Variants in SNX5 observed in about 807,000 individuals in gnomAD.
The protein encoded by SNX5 is sorting nexin 5.
SNX5 carries 31 observed loss-of-function variants against 53.9 expected under a neutral mutation model. The ratio of observed to expected loss-of-function variants is 0.58; its 90% confidence interval spans 0.43 to 0.78. SNX5 has a LOEUF of 0.78. SNX5 is among the 30% of genes least tolerant of loss of function. The probability of loss-of-function intolerance (pLI) is 0.00; values close to 1 mark genes in which losing one functional copy is unlikely to be tolerated. For synonymous variants in SNX5, 168 were observed against 171.1 expected, an observed-to-expected ratio of 0.98 and a Z score of 0.14; for missense variants, 471 against 478.8, an observed-to-expected ratio of 0.98 and a Z score of 0.15.
intron 11 of SNX5, chr20:17,943,456 G>A (rs921083136): frequency 2.4e-6 from 1 of 421,282 alleles, no homozygotes; most frequent in African/African-American, 2.0e-5. Context: ...TTATGACTTG[G>A]AGAACACGTT....
chr20:17,968,698 A>G lies in SNX5; in HGVS notation c.-273T>C. Reference sequence around the variant, plus strand: ...CGGGCAAAGACGCCACGTGGGGCCTACCCTTGCTCCGCTCCACGAGGAGGC... The same window carrying G: ...CGGGCAAAGACGCCACGTGGGGCCTGCCCTTGCTCCGCTCCACGAGGAGGC... On this transcript the variant is annotated 5_prime_UTR_variant, in exon 1 of 13. Transcript: ENST00000377759. 2.0e-6 allele frequency: 1 copy of G among 495,450 alleles called. No homozygotes were observed. Among genetic ancestry groups the G allele is most frequent in the Non-Finnish European group, 3.7e-6 (1 of 271,972 alleles). 30.7% of individuals were successfully genotyped at this position (495,450 alleles called of 1,614,324 possible). A position where few individuals can be genotyped will look rare whatever the true frequency, so the allele number is the denominator to read the frequency against.
intron 1 of SNX5, among the ~76,000 whole-genome samples, chr20:17,958,714 C>T (rs1210201654): frequency 6.6e-6 from 1 of 152,178 alleles, no homozygotes; most frequent in East Asian, 1.9e-4. Flanking sequence ...AAAGATAAAG[C>T]TTCAAGGTCT....
In SNX5 at chr20:17,952,699, G is replaced by A; in HGVS notation, c.401C>T (p.Ala134Val). The stretch of plus-strand genomic sequence containing the variant: ...GGAGGACACAGTCTTCTTAAACACA[G>A]CGAGATACTCACTGAAAAGAGATGT... ...MKQELEAEYLAVFKKTVSSHE... is the reference protein window; with the variant it reads ...MKQELEAEYLVVFKKTVSSHE... The change falls in exon 5 of 13, where the codon GCT (alanine) becomes GTT (valine). Residue 134 changes from alanine (A) to valine (V), a missense_variant. By Grantham distance (64) the Ala-to-Val change is moderately conservative (BLOSUM62 0). Coordinates refer to ENST00000377759, the MANE Select transcript of SNX5 (RefSeq NM_014426.4). The A allele has an allele frequency of 1.9e-6, 3 of 1,613,472 alleles. No individual in the cohort carries two copies. Among genetic ancestry groups the A allele is most frequent in the Non-Finnish European group, 1.7e-6 (2 of 1,179,776 alleles).
intron 1 of SNX5, chr20:17,967,854 A>C (rs2035578272): frequency 2.5e-6 from 1 of 393,342 alleles, no homozygotes; most frequent in Non-Finnish European, 4.5e-6. Flanking sequence ...CACAACTCCC[A>C]CAACAACGCA....
chr20:17,956,709 A>C (rs2035367236), intron 2 of SNX5, among the ~76,000 whole-genome samples: 1 of 143,832 alleles, frequency 7.0e-6, no homozygotes, highest in African/African-American at 2.5e-5. Context: ...AAAAAACAAA[A>C]AAACAATGCC....
At chr20:17,948,307 A>T (rs569560607) in intron 10 of SNX5, among the ~76,000 whole-genome samples, 3 of 152,258 alleles carry the variant, frequency 2.0e-5, no homozygotes, top group African/African-American at 4.8e-5. Flanking sequence ...GTATGTTTTT[A>T]AAAACTCCCA....
intron 1 of SNX5, among the ~76,000 whole-genome samples, chr20:17,965,382 C>T (rs1051618791): frequency 1.7e-4 from 26 of 152,166 alleles, no homozygotes; most frequent in African/African-American, 6.3e-4. Flanking sequence ...ACCACTAGGT[C>T]TCACCGAATG....
rs1384715660 is a variant in SNX5 at position 17,968,631 on chromosome 20, C to A, written c.-206G>T. On this transcript the variant is annotated 5_prime_UTR_variant, in exon 1 of 13. Coordinates refer to ENST00000377759, the MANE Select transcript of SNX5 (RefSeq NM_014426.4). The stretch of plus-strand genomic sequence containing the variant: ...GGCGAGCAGGGCGCCACGTGCTCCC[C>A]CAGAGCAGCCTCCCAGTCCCCGCTG... The A allele has an allele frequency of 3.2e-6, 2 of 620,210 alleles. No homozygotes were observed. The highest frequency in any genetic ancestry group is 2.4e-5 in the Admixed American group (1 of 41,794). The allele number at this position is 620,210 out of a possible 1,614,324, so 38.4% of individuals were successfully genotyped here.
chr20:17,968,077 A>G (rs2035587504), intron 1 of SNX5: 1 of 398,592 alleles, frequency 2.5e-6, no homozygotes, highest in Admixed American at 4.4e-5. Context: ...TTTAAAAAGA[A>G]CATTCCGGGG....
chr20:17,945,044 A>ACT (rs1415201469), intron 11 of SNX5: 2 of 152,112 alleles, frequency 1.3e-5, no homozygotes, highest in African/African-American at 4.8e-5. Context: ...TTCAGAGCAG[A>ACT]CTCACCCTCC....
intron 3 of SNX5, 143 bp from the exon 4 acceptor site, chr20:17,954,260 T>C (rs953509163): frequency 1.6e-5 from 21 of 1,284,754 alleles, no homozygotes; most frequent in Admixed American, 2.8e-5. Flanking sequence ...CTGTTTTTTC[T>C]TAACCTTCCT....
chr20:17,951,728 C>G (rs914825047), intron 5 of SNX5, 133 bp from the exon 6 acceptor site: 1 of 612,584 alleles, frequency 1.6e-6, no homozygotes, highest in African/African-American at 1.8e-5. Flanking sequence ...TTAATTCTGC[C>G]TTAACCTCCA....
intron 1 of SNX5, among the ~76,000 whole-genome samples, chr20:17,966,597 G>A (rs746583350): frequency 2.6e-5 from 4 of 152,066 alleles, no homozygotes; most frequent in Non-Finnish European, 5.9e-5. Flanking sequence ...AATGAGTATT[G>A]GGCTAGAATT....
At chr20:17,967,669 GAAA>G (rs1022742366) in intron 1 of SNX5, 1 of 161,028 alleles carries the variant, frequency 6.2e-6, no homozygotes, top group Admixed American at 6.5e-5. Context: ...AAGAACCAAT[GAAA>G]AAGAGTGGAG....
intron 1 of SNX5, among the ~76,000 whole-genome samples, chr20:17,960,313 T>C (rs181038138): frequency 6.6e-6 from 1 of 152,006 alleles, no homozygotes; most frequent in East Asian, 1.9e-4. Context: ...ATACAAAAAG[T>C]GGCCAGGCAC....
chr20:17,953,193 C>T (rs927442642), intron 4 of SNX5, among the ~76,000 whole-genome samples: 1 of 152,060 alleles, frequency 6.6e-6, no homozygotes, highest in African/African-American at 2.4e-5. Flanking sequence ...GAGCTGGTCC[C>T]GAGAGCCACT....
At chr20:17,965,790 T>C (rs987503594) in intron 1 of SNX5, among the ~76,000 whole-genome samples, 1 of 152,084 alleles carries the variant, frequency 6.6e-6, no homozygotes, top group Non-Finnish European at 1.5e-5. Context: ...TACAAGTTAC[T>C]GAACTAGAAC....
chr20:17,968,530 G>A lies in SNX5; in HGVS notation c.-105C>T. The stretch of plus-strand genomic sequence containing the variant: ...GCCTCTCGGGGGCGGCCACGGCCCC[G>A]CCTCCGCCGGCCTCCCTGCCCGACG... On this transcript the variant is annotated 5_prime_UTR_variant, in exon 1 of 13. Coordinates refer to ENST00000377759, the MANE Select transcript of SNX5 (RefSeq NM_014426.4). 1 of 1,018,668 alleles carries A rather than the reference G, an allele frequency of 9.8e-7. No individual in the cohort carries two copies. The highest frequency in any genetic ancestry group is 1.3e-6 in the Non-Finnish European group (1 of 754,406). The allele number at this position is 1,018,668 out of a possible 1,614,324, so 63.1% of individuals were successfully genotyped here. A position where few individuals can be genotyped will look rare whatever the true frequency, so the allele number is the denominator to read the frequency against.
intron 1 of SNX5, chr20:17,961,667 AG>A: frequency 1.0e-6 from 1 of 984,806 alleles, no homozygotes; most frequent in Non-Finnish European, 1.2e-6. Flanking sequence ...TTCCAAAAGC[AG>A]AAGATATGTA....
Sources: allele counts gnomAD v4.1 joint callset (sites outside exome capture counted in the v4.1 genomes callset), GRCh38; gene constraint gnomAD v4.1.1; transcripts MANE v1.5; gene names NCBI Gene and HGNC (gene_info 2026-07-23, HGNC 2026-07-21).